Variants in KIRREL3 observed in about 807,000 individuals in gnomAD.
KIRREL3 encodes the protein kirre like nephrin family adhesion molecule 3, also known as kin of IRRE-like protein 3.
Under a neutral mutation model 89.7 loss-of-function variants are expected in KIRREL3, and 36 were observed. The observed-to-expected ratio is 0.40, with a 90% CI of 0.31 to 0.53. The LOEUF (loss-of-function observed/expected upper bound fraction) is 0.53. Ranked by LOEUF, KIRREL3 falls within the 20% of genes least tolerant of loss-of-function variation. The pLI is 0.49. For missense variants in KIRREL3, 864 were observed against 1,056.6 expected (o/e 0.82, Z 2.53); for synonymous variants, 445 against 441.4 (o/e 1.01, Z -0.10).
chr11:126,866,175 C>T (rs1944912918), intron 1 of KIRREL3, among the ~76,000 whole-genome samples: 1 of 152,190 alleles, frequency 6.6e-6, no homozygotes, highest in African/African-American at 2.4e-5. Context: ...GGGAGGCCGA[C>T]TGGGTTTTCT....
chr11:126,827,880 T>G (rs776875465), intron 1 of KIRREL3, among the ~76,000 whole-genome samples: 32 of 152,144 alleles, frequency 2.1e-4, no homozygotes, highest in Non-Finnish European at 4.1e-4. Context: ...GTCATCTGAT[T>G]GCCACTGGAT....
chr11:126,972,944 G>C (rs2135220152), intron 1 of KIRREL3, among the ~76,000 whole-genome samples: 1 of 152,180 alleles, frequency 6.6e-6, no homozygotes, highest in South Asian at 2.1e-4. Context: ...TGGTTGAGTT[G>C]ATAGCCTTAA....
At chr11:126,593,520 G>T (rs1304295433) in intron 1 of KIRREL3, among the ~76,000 whole-genome samples, 2 of 152,184 alleles carry the variant, frequency 1.3e-5, no homozygotes, top group African/African-American at 4.8e-5. Flanking sequence ...CTGGGTACAG[G>T]TGGGCAATGA....
rs566097895 is a variant in KIRREL3, at chr11:126,867,795, C to T, written c.55+132660G>A. 9.8e-4 allele frequency among the ~76,000 whole-genome samples: 149 copies of T among 152,186 alleles called. 2 individuals carry two copies. The highest frequency in any genetic ancestry group is 2.9e-3 in the African/African-American group (121 of 41,526). On this transcript the variant is annotated intron_variant, in intron 1 of 16. Coordinates refer to ENST00000525144, the MANE Select transcript of KIRREL3 (RefSeq NM_032531.4). This position sits in a 1 kb window ranked among gnomAD's most constrained non-coding sequence, Gnocchi z 4.7. The stretch of plus-strand genomic sequence containing the variant: ...AGCCTTTAACCACAATTTTTACTGC[C>T]GCTCAGTCCAGTATGACTTCTAAGG...
rs544579954 is a variant in KIRREL3 at position 126,778,968 on chromosome 11, G to A, written c.56-216056C>T. Among the ~76,000 whole-genome samples, 4 of 152,288 alleles carry A rather than the reference G, an allele frequency of 2.6e-5. No homozygotes were observed. The highest frequency in any genetic ancestry group is 6.5e-5 in the Admixed American group (1 of 15,296). On this transcript the variant is annotated intron_variant, in intron 1 of 16. Coordinates refer to ENST00000525144, the MANE Select transcript of KIRREL3 (RefSeq NM_032531.4). The surrounding 1 kb of genome is among the most constrained non-coding windows in gnomAD (Gnocchi z 4.5). The stretch of plus-strand genomic sequence containing the variant: ...TAATACATGTAAGAGCACCTAGCGC[G>A]GAACTTGGAACACAGCAGAAACTCA...
rs1489372458 is a variant in KIRREL3, at chr11:126,768,794, G to C, written c.56-205882C>G. Among the ~76,000 whole-genome samples, 1 of 152,148 alleles carries C rather than the reference G, an allele frequency of 6.6e-6. No homozygotes were observed. Among genetic ancestry groups the C allele is most frequent in the Non-Finnish European group, 1.5e-5 (1 of 68,030 alleles). On this transcript the variant is annotated intron_variant, in intron 1 of 16. Coordinates refer to ENST00000525144, the MANE Select transcript of KIRREL3 (RefSeq NM_032531.4). This position sits in a 1 kb window ranked among gnomAD's most constrained non-coding sequence, Gnocchi z 4.5. The stretch of plus-strand genomic sequence containing the variant: ...AAGGTCACTGTGGCTAAGCTTGATG[G>C]TCCTGGGGAAAGGAGGTATGGCAGG...
Position 126,557,401 on chromosome 11 carries a change from T to A in KIRREL3, c.133+5434A>T, listed in dbSNP as rs1453182255. Among the ~76,000 whole-genome samples the A allele has an allele frequency of 1.3e-5, 2 of 152,152 alleles. No individual in the cohort carries two copies. Among genetic ancestry groups the A allele is most frequent in the Non-Finnish European group, 2.9e-5 (2 of 68,030 alleles). Reference sequence around the variant, plus strand: ...TATGGGATGGGCTGTGAGAACAGGGTGTGGGCTGGGTGTTGAGATCCAAGA... The same window carrying A: ...TATGGGATGGGCTGTGAGAACAGGGAGTGGGCTGGGTGTTGAGATCCAAGA... On this transcript the variant is annotated intron_variant, in intron 2 of 16. Coordinates refer to ENST00000525144, the MANE Select transcript of KIRREL3 (RefSeq NM_032531.4). This position sits in a 1 kb window ranked among gnomAD's most constrained non-coding sequence, Gnocchi z 5.6.
At chr11:126,923,227 T>TCTA (rs1947503654) in intron 1 of KIRREL3, among the ~76,000 whole-genome samples, 1 of 39,764 alleles carries the variant, frequency 2.5e-5, no homozygotes. Flanking sequence ...TTCTTCTTCT[T>TCTA]CTTCTTCTTC....
rs2134801553 is a variant in KIRREL3, at chr11:126,612,721, G to A, written c.56-49809C>T. ...CTGCCTCTGTGGATTTACCTATACT[G>A]GACACTCCTACAACATGTGGCCTTT... On this transcript the variant is annotated intron_variant, in intron 1 of 16. Transcript: ENST00000525144. The surrounding 1 kb of genome is among the most constrained non-coding windows in gnomAD (Gnocchi z 4.5). Among the ~76,000 whole-genome samples the A allele has an allele frequency of 6.6e-6, 1 of 152,170 alleles. No individual in the cohort carries two copies. Among genetic ancestry groups the A allele is most frequent in the Non-Finnish European group, 1.5e-5 (1 of 68,014 alleles).
intron 1 of KIRREL3, among the ~76,000 whole-genome samples, chr11:126,760,810 G>A (rs1592086803): frequency 6.6e-6 from 1 of 152,202 alleles, no homozygotes; most frequent in African/African-American, 2.4e-5. Context: ...CAACAGAATG[G>A]GAATAATAAT....
At chr11:126,472,914 C>T (rs1956939638) in intron 5 of KIRREL3, among the ~76,000 whole-genome samples, 1 of 149,936 alleles carries the variant, frequency 6.7e-6, no homozygotes, top group South Asian at 2.1e-4. Context: ...GTTCCCTCCC[C>T]ATCCAGCCCC....
intron 1 of KIRREL3, among the ~76,000 whole-genome samples, chr11:126,816,813 C>G (rs939992229): frequency 4.6e-5 from 7 of 152,160 alleles, no homozygotes; most frequent in African/African-American, 1.7e-4. Flanking sequence ...AGGAGGCTGA[C>G]CACAATCAAT....
chr11:126,439,673 G>A (rs191549144), intron 11 of KIRREL3, among the ~76,000 whole-genome samples: 1 of 150,982 alleles, frequency 6.6e-6, no homozygotes, highest in East Asian at 2.0e-4. Flanking sequence ...AAAAATTAGC[G>A]AGGTGTGGTG....
chr11:126,675,891 G>A (rs1322323898), intron 1 of KIRREL3, among the ~76,000 whole-genome samples: 1 of 152,196 alleles, frequency 6.6e-6, no homozygotes, highest in African/African-American at 2.4e-5. Flanking sequence ...AGTAATCCAA[G>A]CAGAGAAGAG....
intron 2 of KIRREL3, chr11:126,549,455 T>A (rs957609745): frequency 1.4e-4 from 22 of 152,168 alleles, no homozygotes; most frequent in Admixed American, 4.6e-4. Context: ...TTGACTCCCT[T>A]TGATAAAAGC....
intron 1 of KIRREL3, among the ~76,000 whole-genome samples, chr11:126,926,396 G>A (rs970378319): frequency 1.3e-5 from 2 of 152,198 alleles, no homozygotes; most frequent in African/African-American, 4.8e-5. Context: ...ATGCTCATTT[G>A]AATATTTCCC....
At chr11:126,456,820 G>A (rs190421786) in intron 6 of KIRREL3, among the ~76,000 whole-genome samples, 40 of 152,344 alleles carry the variant, frequency 2.6e-4, no homozygotes, top group Middle Eastern at 3.4e-3. Flanking sequence ...ACTCAGTCTC[G>A]CTTCAGTGCA....
In KIRREL3 at chr11:126,755,898, G is replaced by GAGAC. The variant is rs200170780; in HGVS notation, c.56-192987_56-192986insGTCT. Among the ~76,000 whole-genome samples the GAGAC allele has an allele frequency of 1.3e-5, 2 of 151,830 alleles. No individual in the cohort carries two copies. The highest frequency in any genetic ancestry group is 4.8e-5 in the African/African-American group (2 of 41,280). On this transcript the variant is annotated intron_variant, in intron 1 of 16. Transcript: ENST00000525144. This position sits in a 1 kb window ranked among gnomAD's most constrained non-coding sequence, Gnocchi z 4.3. ...AAAAACAGAGAGAGAGAGAGAGAGA[G>GAGAC]AAGACTGAGCTGAGCACCCAGCACC...
At chr11:126,663,861 A>G (rs1565630819) in intron 1 of KIRREL3, among the ~76,000 whole-genome samples, 1 of 152,252 alleles carries the variant, frequency 6.6e-6, no homozygotes, top group Non-Finnish European at 1.5e-5. Flanking sequence ...GGAATGAGGA[A>G]TTAGTTTTCA....
Sources: allele counts gnomAD v4.1 joint callset (sites outside exome capture counted in the v4.1 genomes callset), GRCh38; gene constraint gnomAD v4.1.1; non-coding constraint Gnocchi (gnomAD v3.1); transcripts MANE v1.5; gene names NCBI Gene and HGNC (gene_info 2026-07-23, HGNC 2026-07-21).